CAMKMT: variants seen among roughly 807,000 people sequenced by gnomAD.
CAMKMT encodes CaM KMT.
CAMKMT carries 53 observed loss-of-function variants against 48.0 expected under a neutral mutation model. The observed-to-expected ratio is 1.10, with a 90% CI of 0.89 to 1.39. CAMKMT has a LOEUF of 1.39. CAMKMT is among the 40% of genes most tolerant of loss of function. CAMKMT has a pLI of 0.00. For missense variants in CAMKMT, 428 were observed against 402.7 expected (o/e 1.06, Z -0.54); for synonymous variants, 165 against 152.3 (o/e 1.08, Z -0.61).
intron 3 of CAMKMT, among the ~76,000 whole-genome samples, chr2:44,436,371 C>T (rs1375128594): frequency 1.3e-5 from 2 of 152,104 alleles, no homozygotes; most frequent in African/African-American, 4.8e-5. Flanking sequence ...AGCCCCTGGT[C>T]CGGCCAAACT....
intron 3 of CAMKMT, among the ~76,000 whole-genome samples, chr2:44,632,550 T>C (rs780586140): frequency 2.0e-5 from 3 of 152,212 alleles, no homozygotes; most frequent in Non-Finnish European, 2.9e-5. Context: ...CAAGAGCAAC[T>C]AAAATCCTAC....
chr2:44,538,355 G>A (rs187935773), intron 3 of CAMKMT, among the ~76,000 whole-genome samples: 30 of 144,820 alleles, frequency 2.1e-4, no homozygotes, highest in South Asian at 4.4e-4. Context: ...GCGACAGAGC[G>A]AGACGCCATC....
chr2:44,374,378 A>G (rs1432512185), intron 2 of CAMKMT, among the ~76,000 whole-genome samples: 3 of 152,192 alleles, frequency 2.0e-5, no homozygotes, highest in Non-Finnish European at 4.4e-5. Flanking sequence ...TAACTTTGTG[A>G]AGCAGGAATG....
At chr2:44,556,450 C>CTTTTTTTT (rs1176467214) in intron 3 of CAMKMT, among the ~76,000 whole-genome samples, 4 of 50,228 alleles carry the variant, frequency 8.0e-5, no homozygotes, top group East Asian at 5.6e-4. Context: ...ATTTTTCTTT[C>CTTTTTTTT]TTTTTTTTTT....
At chr2:44,370,889 C>G (rs1478955631) in intron 1 of CAMKMT, among the ~76,000 whole-genome samples, 2 of 152,224 alleles carry the variant, frequency 1.3e-5, no homozygotes, top group South Asian at 2.1e-4. Context: ...TTGCTCACTA[C>G]AACCTCAAAC....
Position 44,743,612 on chromosome 2 carries a change from T to G in CAMKMT, c.624-10T>G. The stretch of plus-strand genomic sequence containing the variant: ...CTATGTATAATTTTTAAAATCTTTT[T>G]CTCCTCAAGCGTTTTACGATGGGAT... On this transcript the variant is annotated splice_polypyrimidine_tract_variant and intron_variant, in intron 7 of 10. Coordinates refer to ENST00000378494, the MANE Select transcript of CAMKMT (RefSeq NM_024766.5). The G allele has an allele frequency of 6.3e-7, 1 of 1,598,988 alleles. No individual in the cohort carries two copies. Among genetic ancestry groups the G allele is most frequent in the African/African-American group, 1.3e-5 (1 of 74,212 alleles).
At chr2:44,507,516 T>C (rs1670323411) in intron 3 of CAMKMT, among the ~76,000 whole-genome samples, 2 of 152,224 alleles carry the variant, frequency 1.3e-5, no homozygotes, top group African/African-American at 2.4e-5. Flanking sequence ...TTTTTTGTAA[T>C]GACCCTGATT....
At chr2:44,679,125 G>A (rs1675877598) in intron 3 of CAMKMT, among the ~76,000 whole-genome samples, 1 of 152,198 alleles carries the variant, frequency 6.6e-6, no homozygotes, top group Admixed American at 6.5e-5. Flanking sequence ...GGGTCATGGA[G>A]TTCAGGGTGG....
At chr2:44,438,860 C>G (rs1666455544) in intron 3 of CAMKMT, among the ~76,000 whole-genome samples, 1 of 152,024 alleles carries the variant, frequency 6.6e-6, no homozygotes. Flanking sequence ...TCAACTCACC[C>G]TTGCATAGGA....
At chr2:44,472,832 A>G (rs1668491005) in intron 3 of CAMKMT, among the ~76,000 whole-genome samples, 3 of 152,262 alleles carry the variant, frequency 2.0e-5, no homozygotes, top group African/African-American at 4.8e-5. Context: ...ATAATGAAAT[A>G]TATTTATTTA....
chr2:44,403,249 AAGAAGAGTCCTC>A, intron 3 of CAMKMT, among the ~76,000 whole-genome samples: 1 of 152,216 alleles, frequency 6.6e-6, no homozygotes, highest in South Asian at 2.1e-4. Flanking sequence ...GAAGATGGAT[AAGAAGAGTCCTC>A]AGTTACTCAA....
intron 3 of CAMKMT, among the ~76,000 whole-genome samples, chr2:44,526,384 T>C (rs183329933): frequency 9.2e-5 from 14 of 152,314 alleles, no homozygotes; most frequent in Admixed American, 8.5e-4. Flanking sequence ...TAGATGGATA[T>C]ACAGAGAGAG....
At chr2:44,739,545 G>GTA (rs1679553400) in intron 7 of CAMKMT, among the ~76,000 whole-genome samples, 2 of 152,156 alleles carry the variant, frequency 1.3e-5, no homozygotes, top group African/African-American at 4.8e-5. Context: ...ATACCCAAGT[G>GTA]GAAATATTAA....
chr2:44,439,203 A>G (rs978003674), intron 3 of CAMKMT, among the ~76,000 whole-genome samples: 2 of 152,176 alleles, frequency 1.3e-5, no homozygotes, highest in African/African-American at 2.4e-5. Flanking sequence ...TTATTAAAAC[A>G]TTAAGAACTC....
intron 2 of CAMKMT, among the ~76,000 whole-genome samples, chr2:44,382,930 A>C (rs1218940348): frequency 1.3e-5 from 2 of 152,184 alleles, no homozygotes; most frequent in Admixed American, 1.3e-4. Context: ...ACAAAACACC[A>C]CATACTGGGG....
intron 3 of CAMKMT, among the ~76,000 whole-genome samples, chr2:44,416,118 T>G (rs1683533322): frequency 1.3e-5 from 2 of 152,194 alleles, no homozygotes; most frequent in Admixed American, 6.5e-5. Flanking sequence ...GGGCATTTAT[T>G]ATTTAAAGAA....
chr2:44,744,724 T>C (rs1409857223), intron 8 of CAMKMT, among the ~76,000 whole-genome samples: 1 of 152,126 alleles, frequency 6.6e-6, no homozygotes, highest in Non-Finnish European at 1.5e-5. Context: ...ATTATTATTA[T>C]TTTAATAAGA....
intron 3 of CAMKMT, among the ~76,000 whole-genome samples, chr2:44,396,498 C>T (rs975704159): frequency 2.0e-5 from 3 of 151,964 alleles, no homozygotes; most frequent in African/African-American, 7.3e-5. Context: ...TCTGTATGTA[C>T]ATCAAATGGT....
At chr2:44,766,352 A>G (rs1680840456) in intron 9 of CAMKMT, 78 bp from the exon 10 acceptor site, 2 of 1,534,958 alleles carry the variant, frequency 1.3e-6, no homozygotes, top group Non-Finnish European at 1.8e-6. Flanking sequence ...GCAGTACATT[A>G]AATGCTTTGA....
Sources: allele counts gnomAD v4.1 joint callset (sites outside exome capture counted in the v4.1 genomes callset), GRCh38; gene constraint gnomAD v4.1.1; transcripts MANE v1.5; gene names NCBI Gene and HGNC (gene_info 2026-07-23, HGNC 2026-07-21).